The following IQCJ variants were observed in gnomAD, a reference collection of about 807,000 sequenced individuals.
The protein encoded by IQCJ is IQ domain-containing protein J.
IQCJ carries 9 observed loss-of-function variants against 11.0 expected under a neutral mutation model. That is an observed-to-expected ratio of 0.82 (90% CI 0.49 to 1.43). The LOEUF (loss-of-function observed/expected upper bound fraction) is 1.43. IQCJ is among the 40% of genes most tolerant of loss of function. The pLI, the probability that IQCJ is intolerant of heterozygous loss-of-function variation, is 0.00. For missense variants in IQCJ, 146 were observed against 133.2 expected, an observed-to-expected ratio of 1.10 and a Z score of -0.47; for synonymous variants, 55 against 51.3, an observed-to-expected ratio of 1.07 and a Z score of -0.31.
intron 1 of IQCJ, among the ~76,000 whole-genome samples, chr3:159,088,312 A>G (rs1277447580): frequency 6.6e-6 from 1 of 151,938 alleles, no homozygotes; most frequent in Non-Finnish European, 1.5e-5. Context: ...GTTCTTTTAC[A>G]TTTGCTGAGG....
At chr3:159,256,613 G>A (rs945026535) in intron 3 of IQCJ, among the ~76,000 whole-genome samples, 7 of 152,142 alleles carry the variant, frequency 4.6e-5, no homozygotes, top group African/African-American at 1.7e-4. Flanking sequence ...GGCCTCAGTT[G>A]CACTCCTCTG....
intron 1 of IQCJ, among the ~76,000 whole-genome samples, chr3:159,194,305 G>A (rs9814830): frequency 0.039 from 5,865 of 152,200 alleles, 390 homozygotes; most frequent in African/African-American, 0.13. Context: ...TTGGCTGCCC[G>A]TCTATCTTGC....
At chr3:159,164,879 T>G (rs1048623413) in intron 1 of IQCJ, among the ~76,000 whole-genome samples, 4 of 152,234 alleles carry the variant, frequency 2.6e-5, no homozygotes, top group African/African-American at 9.6e-5. Context: ...AGGTATACCA[T>G]GATTAAGCAT....
At chr3:159,166,319 A>G (rs890517574) in intron 1 of IQCJ, among the ~76,000 whole-genome samples, 1 of 152,196 alleles carries the variant, frequency 6.6e-6, no homozygotes, top group African/African-American at 2.4e-5. Context: ...TCAAAGATGC[A>G]GTTTTAGATC....
chr3:159,218,973 T>A (rs2108112939), intron 1 of IQCJ, among the ~76,000 whole-genome samples: 1 of 152,262 alleles, frequency 6.6e-6, no homozygotes, highest in South Asian at 2.1e-4. Flanking sequence ...GCCAGCAGCA[T>A]AGCACCTTCA....
intron 1 of IQCJ, among the ~76,000 whole-genome samples, chr3:159,198,684 T>C (rs965288399): frequency 6.6e-6 from 1 of 152,200 alleles, no homozygotes; most frequent in Admixed American, 6.5e-5. Context: ...TAATGTGTCT[T>C]GGCTTCTTTT....
At chr3:159,191,780 A>G (rs1308033700) in intron 1 of IQCJ, among the ~76,000 whole-genome samples, 1 of 152,208 alleles carries the variant, frequency 6.6e-6, no homozygotes, top group Non-Finnish European at 1.5e-5. Context: ...AAGTTAGTAT[A>G]AAGCCATTCT....
At chr3:159,206,273 C>T (rs575956869) in intron 1 of IQCJ, among the ~76,000 whole-genome samples, 24 of 152,224 alleles carry the variant, frequency 1.6e-4, no homozygotes, top group Non-Finnish European at 2.2e-4. Context: ...CTTCCTTTTC[C>T]GTTTTTTTCT....
intron 1 of IQCJ, among the ~76,000 whole-genome samples, chr3:159,087,761 G>A (rs1289720213): frequency 3.3e-5 from 5 of 151,054 alleles, no homozygotes; most frequent in Non-Finnish European, 5.9e-5. Flanking sequence ...GATCGGTGGT[G>A]ATATCCCCTT....
At chr3:159,217,858 G>A (rs546741757) in intron 1 of IQCJ, among the ~76,000 whole-genome samples, 10 of 152,106 alleles carry the variant, frequency 6.6e-5, no homozygotes, top group East Asian at 1.9e-4. Context: ...CTATGGGCTC[G>A]CAGAGCCTGT....
chr3:159,187,681 G>A (rs1198079964), intron 1 of IQCJ, among the ~76,000 whole-genome samples: 3 of 152,216 alleles, frequency 2.0e-5, no homozygotes, highest in South Asian at 2.1e-4. Context: ...AAGCTCGAAG[G>A]ATGGCACCAG....
At chr3:159,072,807 A>G (rs1475898886) in intron 1 of IQCJ, among the ~76,000 whole-genome samples, 1 of 152,074 alleles carries the variant, frequency 6.6e-6, no homozygotes, top group East Asian at 1.9e-4. Flanking sequence ...CTGAGTTTGT[A>G]TAAGGTCAGA....
At chr3:159,227,537 T>C (rs570498654) in intron 1 of IQCJ, among the ~76,000 whole-genome samples, 3 of 152,274 alleles carry the variant, frequency 2.0e-5, no homozygotes, top group African/African-American at 7.2e-5. Flanking sequence ...AAATGTGACA[T>C]TATAGATTCA....
At chr3:159,110,337 A>G (rs1379008090) in intron 1 of IQCJ, among the ~76,000 whole-genome samples, 1 of 152,218 alleles carries the variant, frequency 6.6e-6, no homozygotes, top group Non-Finnish European at 1.5e-5. Context: ...AGTGAAGGTT[A>G]GCTATTATGA....
chr3:159,160,701 G>C (rs867549077), intron 1 of IQCJ, among the ~76,000 whole-genome samples: 13 of 109,456 alleles, frequency 1.2e-4, no homozygotes, highest in African/African-American at 4.9e-4. Flanking sequence ...CCCCACAACT[G>C]TCCCCAGAGT....
rs573103889 is a variant in IQCJ, at chr3:159,260,463, C to T, written c.156-2085C>T. Among the ~76,000 whole-genome samples the T allele has an allele frequency of 7.9e-5, 12 of 152,250 alleles. No individual in the cohort carries two copies. The South Asian group carries it at 1.2e-3, about 16-fold the overall frequency. The stretch of plus-strand genomic sequence containing the variant: ...AATGTTACACATTCTGAGCTCTTGA[C>T]GGGCAGGTTTAGAGACTTTAGGAAC... On this transcript the variant is annotated intron_variant, in intron 3 of 3. Transcript: ENST00000397832.
At chr3:159,117,282 G>A (rs773165831) in intron 1 of IQCJ, among the ~76,000 whole-genome samples, 8 of 152,090 alleles carry the variant, frequency 5.3e-5, no homozygotes, top group Non-Finnish European at 1.2e-4. Context: ...TATTTCCATT[G>A]CTGGAGATGG....
At chr3:159,201,469 A>T (rs569242252) in intron 1 of IQCJ, among the ~76,000 whole-genome samples, 1 of 151,806 alleles carries the variant, frequency 6.6e-6, no homozygotes, top group Non-Finnish European at 1.5e-5. Context: ...ATTTTTATCA[A>T]TGCATCTATG....
chr3:159,241,950 A>G (rs145570818), intron 1 of IQCJ, among the ~76,000 whole-genome samples: 3 of 152,362 alleles, frequency 2.0e-5, no homozygotes, highest in African/African-American at 7.2e-5. Flanking sequence ...AGTTCAATCA[A>G]GGGAGGCTTT....
Sources: gnomAD v4.1 joint callset for allele counts (sites outside exome capture counted in the v4.1 genomes callset) on GRCh38, gnomAD v4.1.1 for gene constraint, MANE v1.5 for transcripts, NCBI Gene and HGNC (gene_info 2026-07-23, HGNC 2026-07-21) for gene names.